Variants in CACNB4 observed in about 807,000 individuals in gnomAD.
CACNB4 encodes calcium voltage-gated channel auxiliary subunit beta 4.
In CACNB4, 32 loss-of-function variants were observed where a neutral mutation model predicts 71.2. The ratio of observed to expected loss-of-function variants is 0.45; its 90% CI spans 0.34 to 0.60. The LOEUF (loss-of-function observed/expected upper bound fraction) is 0.60, where lower values mean the gene tolerates loss of function less well. Among genes scored for constraint, CACNB4 ranks in the 20% least tolerant of loss-of-function variants. The pLI, the probability that CACNB4 is intolerant of heterozygous loss-of-function variation, is 0.01. For synonymous variants in CACNB4, 231 were observed against 236.9 expected, an observed-to-expected ratio of 0.97 and a Z score of 0.23; for missense variants, 464 against 647.9, an observed-to-expected ratio of 0.72 and a Z score of 3.08.
At chr2:151,900,601 C>T (rs779631859) in intron 2 of CACNB4, among the ~76,000 whole-genome samples, 54 of 152,224 alleles carry the variant, frequency 3.5e-4, no homozygotes, top group Non-Finnish European at 5.4e-4. Flanking sequence ...ATCAGGAAAG[C>T]CGGGAGGAAG....
intron 9 of CACNB4, chr2:151,866,379 G>T (rs2099843110): frequency 6.6e-6 from 1 of 152,170 alleles, no homozygotes; most frequent in South Asian, 2.1e-4. Flanking sequence ...CTAACGTACT[G>T]CATTCATAGC....
chr2:151,912,492 A>C (rs1449501219), intron 2 of CACNB4, among the ~76,000 whole-genome samples: 1 of 152,154 alleles, frequency 6.6e-6, no homozygotes, highest in African/African-American at 2.4e-5. Context: ...TGAGTTTCTT[A>C]ATCCTGAGTT....
At chr2:151,965,345 T>C (rs1461973651) in intron 2 of CACNB4, among the ~76,000 whole-genome samples, 1 of 152,186 alleles carries the variant, frequency 6.6e-6, no homozygotes, top group Non-Finnish European at 1.5e-5. Context: ...TCCTTTCACT[T>C]TATCATAGAG....
intron 2 of CACNB4, among the ~76,000 whole-genome samples, chr2:152,095,349 G>A (rs1383237935): frequency 2.6e-5 from 4 of 152,024 alleles, no homozygotes; most frequent in Non-Finnish European, 4.4e-5. Flanking sequence ...TTTTTAACAA[G>A]CTCAAAGAAC....
intron 2 of CACNB4, among the ~76,000 whole-genome samples, chr2:152,073,468 C>T (rs1206571951): frequency 2.0e-5 from 3 of 152,130 alleles, no homozygotes; most frequent in African/African-American, 4.8e-5. Context: ...GCTATGTTTA[C>T]ATGAGAATTT....
intron 2 of CACNB4, among the ~76,000 whole-genome samples, chr2:151,966,721 T>C (rs2099871215): frequency 6.6e-6 from 1 of 152,158 alleles, no homozygotes; most frequent in South Asian, 2.1e-4. Flanking sequence ...TCAAAAACCA[T>C]GCAAGGGCTC....
Position 151,939,573 on chromosome 2 carries a change from G to A in CACNB4, c.148-56203C>T, listed in dbSNP as rs115019973. Among the ~76,000 whole-genome samples, 34 of 152,298 alleles carry A rather than the reference G, an allele frequency of 2.2e-4. No individual in the cohort carries two copies. In the East Asian group the frequency reaches 3.9e-3, roughly 17 times the overall value. On this transcript the variant is annotated intron_variant, in intron 2 of 13. Transcript: ENST00000539935. ...GTGACCATTTCTGTAATCTCCCTCT[G>A]TCTCTGGGCTGTGCTCTTCTCTCTG...
intron 2 of CACNB4, among the ~76,000 whole-genome samples, chr2:151,884,503 G>A (rs569746981): frequency 1.6e-3 from 246 of 150,232 alleles, no homozygotes; most frequent in African/African-American, 5.7e-3. Context: ...GCGTGGTGGC[G>A]GGCGCCTGTA....
intron 2 of CACNB4, among the ~76,000 whole-genome samples, chr2:151,966,567 C>T (rs2099871170): frequency 6.6e-6 from 1 of 152,196 alleles, no homozygotes; most frequent in Non-Finnish European, 1.5e-5. Context: ...GTGTGAGCCA[C>T]TGCGCCCAGC....
intron 2 of CACNB4, among the ~76,000 whole-genome samples, chr2:151,961,143 T>G (rs1298299129): frequency 2.0e-5 from 3 of 152,204 alleles, no homozygotes; most frequent in African/African-American, 7.2e-5. Flanking sequence ...AATCTCACAT[T>G]GCTAATCCCT....
In CACNB4 at chr2:152,070,928, C is replaced by T. The variant is rs1044076586; in HGVS notation, c.147+27402G>A. Among the ~76,000 whole-genome samples, 5 of 152,222 alleles carry T rather than the reference C, an allele frequency of 3.3e-5. No individual in the cohort carries two copies. The South Asian group carries it at 6.2e-4, about 19-fold the overall frequency. On this transcript the variant is annotated intron_variant, in intron 2 of 13. Transcript: ENST00000539935. ...GACTACAGGCACACACCATCACACCCGGCTAATTTTTGTATTTTTGTAGAA... is the reference window on the plus strand; with the variant it reads ...GACTACAGGCACACACCATCACACCTGGCTAATTTTTGTATTTTTGTAGAA...
chr2:151,941,357 C>T (rs1242201138), intron 2 of CACNB4, among the ~76,000 whole-genome samples: 1 of 141,870 alleles, frequency 7.0e-6, no homozygotes, highest in East Asian at 2.1e-4. Flanking sequence ...TCTTGGCTTA[C>T]TGCAACTTCA....
chr2:152,061,371 G>T (rs1234037592), intron 2 of CACNB4, among the ~76,000 whole-genome samples: 4 of 152,000 alleles, frequency 2.6e-5, no homozygotes, highest in Admixed American at 2.6e-4. Flanking sequence ...GAGAAAAGAG[G>T]TAATTAGTAT....
intron 2 of CACNB4, among the ~76,000 whole-genome samples, chr2:152,039,737 T>C (rs1332344595): frequency 1.3e-5 from 2 of 152,242 alleles, no homozygotes; most frequent in Non-Finnish European, 2.9e-5. Flanking sequence ...GAAATGCAGG[T>C]ATTCCTTCCA....
intron 2 of CACNB4, among the ~76,000 whole-genome samples, chr2:152,005,219 T>C (rs1005225963): frequency 6.6e-5 from 10 of 152,166 alleles, no homozygotes; most frequent in Non-Finnish European, 1.2e-4. Flanking sequence ...GACACATGCA[T>C]GTGTATGTTC....
At position 151,883,215 on chromosome 2, in the gene CACNB4, C is replaced by A. The variant is rs756348723; in HGVS notation, c.267+36G>T. On this transcript the variant is annotated intron_variant, in intron 3 of 13. Transcript: ENST00000539935. ...GCAGCTGGTAGCCACTGAGCAACGACCCACTTTTGAGCCAAAGAGAAGGAA... is the reference window on the plus strand; with the variant it reads ...GCAGCTGGTAGCCACTGAGCAACGAACCACTTTTGAGCCAAAGAGAAGGAA... The A allele has an allele frequency of 3.7e-6, 6 of 1,612,006 alleles. No individual in the cohort carries two copies. In the East Asian group the frequency reaches 8.9e-5, roughly 24 times the overall value.
At chr2:151,855,759 C>A (rs987922511) in intron 10 of CACNB4, among the ~76,000 whole-genome samples, 3 of 152,138 alleles carry the variant, frequency 2.0e-5, no homozygotes, top group African/African-American at 7.2e-5. Flanking sequence ...AAAGCAACAT[C>A]ACATGGAAAG....
At chr2:151,951,702 G>C (rs977478527) in intron 2 of CACNB4, among the ~76,000 whole-genome samples, 5 of 152,308 alleles carry the variant, frequency 3.3e-5, no homozygotes, top group Non-Finnish European at 5.9e-5. Context: ...AAAGATGCCT[G>C]CAGACTGCAG....
chr2:151,873,214 T>C (rs13382957), intron 5 of CACNB4: 16,448 of 152,248 alleles, frequency 0.11, 985 homozygotes, highest in African/African-American at 0.15. Context: ...CAAAATCCTT[T>C]CCCTTATTGA....
Sources: gnomAD v4.1 joint callset for allele counts (sites outside exome capture counted in the v4.1 genomes callset) on GRCh38, gnomAD v4.1.1 for gene constraint, MANE v1.5 for transcripts, NCBI Gene and HGNC (gene_info 2026-07-23, HGNC 2026-07-21) for gene names.